The following ERC2 variants were observed in gnomAD, a reference collection of about 807,000 sequenced individuals.
The protein encoded by ERC2 is ERC protein 2.
In ERC2, 42 loss-of-function variants were observed where a neutral mutation model predicts 114.8. The ratio of observed to expected loss-of-function variants is 0.37; its 90% CI spans 0.29 to 0.47. The LOEUF (loss-of-function observed/expected upper bound fraction) is 0.47, where lower values mean the gene tolerates loss of function less well. ERC2 is among the 20% of genes least tolerant of loss of function. ERC2 has a pLI of 0.99. For missense variants in ERC2, 939 were observed against 1,150.7 expected, an observed-to-expected ratio of 0.82 and a Z score of 2.66; for synonymous variants, 454 against 425.5, an observed-to-expected ratio of 1.07 and a Z score of -0.82.
intron 1 of ERC2, among the ~76,000 whole-genome samples, chr3:56,455,576 A>G (rs1173666287): frequency 6.6e-6 from 1 of 152,226 alleles, no homozygotes; most frequent in Non-Finnish European, 1.5e-5. Flanking sequence ...TCTAAACATT[A>G]CTTTCCTTAT....
At chr3:55,549,711 G>GT (rs1404609982) in intron 17 of ERC2, among the ~76,000 whole-genome samples, 2 of 152,140 alleles carry the variant, frequency 1.3e-5, no homozygotes, top group African/African-American at 4.8e-5. Flanking sequence ...TCTGCTGGCA[G>GT]TCCTCTCTGG....
chr3:56,270,156 G>T (rs2053567248), intron 3 of ERC2, among the ~76,000 whole-genome samples: 1 of 150,396 alleles, frequency 6.6e-6, no homozygotes, highest in Admixed American at 6.6e-5. Flanking sequence ...TCCAATGAGG[G>T]CACAAGAGCA....
At chr3:55,873,877 G>A (rs1036655412) in intron 14 of ERC2, among the ~76,000 whole-genome samples, 1 of 152,082 alleles carries the variant, frequency 6.6e-6, no homozygotes, top group Non-Finnish European at 1.5e-5. Context: ...CACTTACCCA[G>A]CTGTCATTCT....
chr3:56,112,887 C>T (rs28428721), intron 6 of ERC2, among the ~76,000 whole-genome samples: 25,274 of 151,800 alleles, frequency 0.17, 2,266 homozygotes, highest in African/African-American at 0.21. Flanking sequence ...AAGCAGTAGC[C>T]GATAAAGGCC....
intron 6 of ERC2, among the ~76,000 whole-genome samples, chr3:56,081,616 A>T (rs1382993518): frequency 6.6e-6 from 1 of 152,168 alleles, no homozygotes; most frequent in Non-Finnish European, 1.5e-5. Context: ...CTTGTAACTC[A>T]GCTCTAAAAT....
At chr3:56,050,556 C>A (rs2075716133) in intron 7 of ERC2, among the ~76,000 whole-genome samples, 1 of 152,166 alleles carries the variant, frequency 6.6e-6, no homozygotes. Context: ...ACACTGAAGT[C>A]CTTGAACTGC....
At chr3:55,942,140 G>T (rs1185058490) in intron 13 of ERC2, among the ~76,000 whole-genome samples, 1 of 152,046 alleles carries the variant, frequency 6.6e-6, no homozygotes, top group East Asian at 1.9e-4. Flanking sequence ...AGAAGGCTTG[G>T]GATCTGGTCT....
intron 2 of ERC2, among the ~76,000 whole-genome samples, chr3:56,371,684 C>A (rs2059368147): frequency 6.6e-6 from 1 of 152,204 alleles, no homozygotes; most frequent in African/African-American, 2.4e-5. Context: ...TACCCCACCT[C>A]CCAAGGGCTC....
At chr3:56,095,804 G>A (rs2149793551) in intron 6 of ERC2, among the ~76,000 whole-genome samples, 1 of 152,278 alleles carries the variant, frequency 6.6e-6, no homozygotes, top group South Asian at 2.1e-4. Context: ...GCAGGTGGAG[G>A]AAATGGCCAG....
At chr3:56,312,013 A>C (rs899622883) in intron 2 of ERC2, among the ~76,000 whole-genome samples, 9 of 152,214 alleles carry the variant, frequency 5.9e-5, no homozygotes, top group African/African-American at 2.2e-4. Flanking sequence ...TAGCATTTAC[A>C]CTGTGTTAGG....
At chr3:56,270,177 A>T (rs1560495392) in intron 3 of ERC2, among the ~76,000 whole-genome samples, 1 of 147,950 alleles carries the variant, frequency 6.8e-6, no homozygotes, top group African/African-American at 2.6e-5. Flanking sequence ...CCTAAAAAAA[A>T]AAAAGAAAGA....
intron 6 of ERC2, among the ~76,000 whole-genome samples, chr3:56,135,697 T>G (rs905428872): frequency 1.6e-4 from 24 of 152,222 alleles, no homozygotes; most frequent in Non-Finnish European, 3.4e-4. Flanking sequence ...GGCTGAGGTA[T>G]AACCACACAT....
chr3:56,168,157 G>A (rs995076763), intron 4 of ERC2, among the ~76,000 whole-genome samples: 2 of 152,156 alleles, frequency 1.3e-5, no homozygotes, highest in African/African-American at 4.8e-5. Flanking sequence ...CAGGACCATG[G>A]GCAGGTTGCT....
chr3:56,397,419 T>G (rs2060353710), intron 2 of ERC2, among the ~76,000 whole-genome samples: 2 of 152,064 alleles, frequency 1.3e-5, no homozygotes, highest in Admixed American at 1.3e-4. Context: ...GTGTCTTGGC[T>G]ATTCTTTCAG....
chr3:56,128,481 T>G (rs1374500640), intron 6 of ERC2, among the ~76,000 whole-genome samples: 1 of 152,210 alleles, frequency 6.6e-6, no homozygotes, highest in African/African-American at 2.4e-5. Flanking sequence ...AAGTGCTCCA[T>G]GTCTTTCTCA....
intron 17 of ERC2, among the ~76,000 whole-genome samples, chr3:55,555,202 C>T (rs2055516471): frequency 1.3e-5 from 2 of 152,344 alleles, no homozygotes; most frequent in South Asian, 2.1e-4. Context: ...CCTTTCAACT[C>T]TGCATCCACA....
chr3:55,956,865 T>C (rs2067989295), intron 12 of ERC2, among the ~76,000 whole-genome samples: 1 of 152,092 alleles, frequency 6.6e-6, no homozygotes, highest in Admixed American at 6.5e-5. Flanking sequence ...TTATTCTTCC[T>C]CCTCTCCCTA....
intron 15 of ERC2, among the ~76,000 whole-genome samples, chr3:55,705,733 T>C (rs1197787804): frequency 6.6e-6 from 1 of 152,130 alleles, no homozygotes; most frequent in Non-Finnish European, 1.5e-5. Context: ...AACAGAACAC[T>C]GGTCGGACTC....
chr3:55,877,898 T>C (rs1003405111), intron 14 of ERC2, among the ~76,000 whole-genome samples: 3 of 152,134 alleles, frequency 2.0e-5, no homozygotes, highest in South Asian at 4.1e-4. Context: ...AGGGGTTAAA[T>C]CTGGCAACGC....
Sources: gnomAD v4.1 joint callset for allele counts (sites outside exome capture counted in the v4.1 genomes callset) on GRCh38, gnomAD v4.1.1 for gene constraint, MANE v1.5 for transcripts, NCBI Gene and HGNC (gene_info 2026-07-23, HGNC 2026-07-21) for gene names.